COL23A1: variants seen among roughly 807,000 people sequenced by gnomAD.
COL23A1 encodes the protein collagen type XXIII alpha 1 chain, also known as collagen alpha-1(XXIII) chain.
COL23A1 carries 97 observed loss-of-function variants against 99.3 expected under a neutral mutation model. The ratio of observed to expected loss-of-function variants is 0.98; its 90% CI spans 0.83 to 1.16. COL23A1 has a LOEUF of 1.16. Ranked by LOEUF, COL23A1 falls within the 50% of genes most tolerant of loss-of-function variation. The pLI is 0.00. For missense variants in COL23A1, 762 were observed against 757.4 expected (o/e 1.01, Z -0.07); for synonymous variants, 320 against 308.2 (o/e 1.04, Z -0.40).
chr5:178,374,652 G>A (rs76557673), intron 2 of COL23A1, among the ~76,000 whole-genome samples: 5,589 of 152,248 alleles, frequency 0.037, 117 homozygotes, highest in South Asian at 0.069. Flanking sequence ...TTTAGTAAGC[G>A]CTGAAAACCT....
At chr5:178,354,142 T>G (rs1466060923) in intron 2 of COL23A1, among the ~76,000 whole-genome samples, 2 of 148,122 alleles carry the variant, frequency 1.4e-5, no homozygotes, top group Non-Finnish European at 2.9e-5. Context: ...ATTTGAATCT[T>G]TTTTTTTTCA....
At chr5:178,373,705 C>A (rs185787659) in intron 2 of COL23A1, among the ~76,000 whole-genome samples, 1 of 152,218 alleles carries the variant, frequency 6.6e-6, no homozygotes, top group African/African-American at 2.4e-5. Context: ...TGTGAGCCAC[C>A]GTCCTTGGCC....
intron 1 of COL23A1, among the ~76,000 whole-genome samples, chr5:178,585,905 C>T (rs1311593684): frequency 1.3e-5 from 2 of 152,216 alleles, no homozygotes; most frequent in Non-Finnish European, 2.9e-5. Flanking sequence ...GGGATGGCGA[C>T]CCTGTGACCT....
chr5:178,339,885 G>A (rs763514090), intron 2 of COL23A1, among the ~76,000 whole-genome samples: 4 of 152,346 alleles, frequency 2.6e-5, no homozygotes, highest in Middle Eastern at 6.8e-3. Flanking sequence ...GGTAACCTGA[G>A]AGATTTTCAG....
chr5:178,381,294 C>T (rs1373087264), intron 2 of COL23A1, among the ~76,000 whole-genome samples: 1 of 152,196 alleles, frequency 6.6e-6, no homozygotes, highest in Non-Finnish European at 1.5e-5. Context: ...GGAAGCTGCA[C>T]CAGCCCAGGG....
chr5:178,494,086 G>A (rs187123672), intron 2 of COL23A1, among the ~76,000 whole-genome samples: 65 of 152,350 alleles, frequency 4.3e-4, no homozygotes, highest in African/African-American at 1.4e-3. Context: ...CCAACTGTTA[G>A]AAAAATCACA....
intron 2 of COL23A1, among the ~76,000 whole-genome samples, chr5:178,528,153 C>T (rs922064456): frequency 1.6e-4 from 25 of 152,180 alleles, no homozygotes; most frequent in Non-Finnish European, 2.9e-4. Context: ...ACCTGTTCTA[C>T]CCCTCAGCTT....
rs1044182760 is a variant in COL23A1, at chr5:178,426,910, C to T, written c.362-119991G>A. ...TCAGGGAAGTGCAGATCCAAAATAA[C>T]GATGAGGCCAGTGTGGTGGCTCACG... is the stretch of plus-strand genomic sequence containing the variant. On this transcript the variant is annotated intron_variant, in intron 2 of 28. Coordinates refer to ENST00000390654, the MANE Select transcript of COL23A1 (RefSeq NM_173465.4). Among the ~76,000 whole-genome samples, 2 of 152,180 alleles carry T rather than the reference C, an allele frequency of 1.3e-5. 1 individual carries two copies. Among genetic ancestry groups the T allele is most frequent in the Admixed American group, 1.3e-4 (2 of 15,280 alleles).
intron 2 of COL23A1, among the ~76,000 whole-genome samples, chr5:178,326,837 A>G (rs1759697290): frequency 6.6e-6 from 1 of 152,216 alleles, no homozygotes; most frequent in Admixed American, 6.5e-5. Context: ...CTCCTGCCTC[A>G]GCCTCCTGGG....
intron 5 of COL23A1, among the ~76,000 whole-genome samples, chr5:178,282,807 A>G (rs774361988): frequency 6.6e-6 from 1 of 152,162 alleles, no homozygotes; most frequent in Non-Finnish European, 1.5e-5. Context: ...CAAAGGAAGC[A>G]CCATGAGTGG....
rs1158635941 is a variant in COL23A1 at position 178,525,616 on chromosome 5, CG to C, written c.361+35065del. ...GACACAGCGCGCAGACCCCGGGACCCGAAGGCTAAGCTCACATGGCTGGTAA... is the reference window on the plus strand; with the variant it reads ...GACACAGCGCGCAGACCCCGGGACCCAAGGCTAAGCTCACATGGCTGGTAA... On this transcript the variant is annotated intron_variant, in intron 2 of 28. Transcript: ENST00000390654. Among the ~76,000 whole-genome samples the C allele has an allele frequency of 7.4e-3, 52 of 7,010 alleles. 4 individuals carry two copies. Among genetic ancestry groups the C allele is most frequent in the Non-Finnish European group, 0.011 (42 of 3,654 alleles). 4.6% of individuals were successfully genotyped at this position (7,010 alleles called of 152,430 possible). A position where few individuals can be genotyped will look rare whatever the true frequency, so the allele number is the denominator to read the frequency against.
intron 1 of COL23A1, among the ~76,000 whole-genome samples, chr5:178,572,072 C>CAAAAAAAA (rs57863132): frequency 1.8e-5 from 2 of 109,488 alleles, no homozygotes; most frequent in Admixed American, 9.6e-5. Flanking sequence ...TTTCTCAAAA[C>CAAAAAAAA]AAAAAAAAAA....
chr5:178,582,448 T>C (rs909858471), intron 1 of COL23A1, among the ~76,000 whole-genome samples: 2 of 152,092 alleles, frequency 1.3e-5, no homozygotes, highest in Non-Finnish European at 2.9e-5. Flanking sequence ...CTCAGAATTA[T>C]TTCGAGAGAA....
At chr5:178,426,004 C>T (rs1765912713) in intron 2 of COL23A1, among the ~76,000 whole-genome samples, 1 of 152,154 alleles carries the variant, frequency 6.6e-6, no homozygotes, top group Non-Finnish European at 1.5e-5. Flanking sequence ...GAGGTGGGAA[C>T]TCCCTCCTCT....
rs1760617528 is a variant in COL23A1 at position 178,340,891 on chromosome 5, G to A, written c.362-33972C>T. 6.6e-6 allele frequency among the ~76,000 whole-genome samples: 1 copy of A among 152,244 alleles called. No individual in the cohort carries two copies. On this transcript the variant is annotated intron_variant, in intron 2 of 28. Transcript: ENST00000390654. This position sits in a 1 kb window ranked among gnomAD's most constrained non-coding sequence, Gnocchi z 4.7. ...CAGCATGGCTGATGTGCATGGGCGC[G>A]GGGCTCAAGGTCAGACCCCGCAGGG...
At chr5:178,374,049 C>T (rs1762938607) in intron 2 of COL23A1, among the ~76,000 whole-genome samples, 1 of 152,172 alleles carries the variant, frequency 6.6e-6, no homozygotes, top group Non-Finnish European at 1.5e-5. Flanking sequence ...TCATATGCAC[C>T]TTTGAGTCCA....
intron 2 of COL23A1, among the ~76,000 whole-genome samples, chr5:178,509,987 C>A (rs1759111333): frequency 6.6e-6 from 1 of 152,202 alleles, no homozygotes; most frequent in African/African-American, 2.4e-5. Context: ...CCTTAGTGCT[C>A]ACCATCTGGT....
At chr5:178,455,416 G>C (rs771118722) in intron 2 of COL23A1, among the ~76,000 whole-genome samples, 15 of 152,292 alleles carry the variant, frequency 9.8e-5, no homozygotes, top group Non-Finnish European at 2.1e-4. Flanking sequence ...AACCCCAGGG[G>C]GGCTGCAGCC....
chr5:178,272,756 C>T (rs1041491286), intron 5 of COL23A1, among the ~76,000 whole-genome samples: 7 of 152,248 alleles, frequency 4.6e-5, no homozygotes, highest in East Asian at 1.9e-4. Context: ...CCCTACCCCC[C>T]GACCCAAGCC....
Sources: allele counts gnomAD v4.1 joint callset (sites outside exome capture counted in the v4.1 genomes callset), GRCh38; gene constraint gnomAD v4.1.1; non-coding constraint Gnocchi (gnomAD v3.1); transcripts MANE v1.5; gene names NCBI Gene and HGNC (gene_info 2026-07-23, HGNC 2026-07-21).